The following UBXN8 variants were observed in gnomAD, a reference collection of about 807,000 sequenced individuals.
UBXN8 encodes UBX domain protein 8, also known as UBX domain-containing protein 8.
Under a neutral mutation model 32.1 loss-of-function variants are expected in UBXN8, and 27 were observed. The observed-to-expected ratio is 0.84, with a 90% CI of 0.62 to 1.16. The LOEUF (loss-of-function observed/expected upper bound fraction) is 1.16, where lower values mean the gene tolerates loss of function less well. Ranked by LOEUF, UBXN8 falls within the 50% of genes most tolerant of loss-of-function variation. UBXN8 has a pLI of 0.00. For missense variants in UBXN8, 306 were observed against 311.4 expected, an observed-to-expected ratio of 0.98 and a Z score of 0.13; for synonymous variants, 109 against 111.8, an observed-to-expected ratio of 0.98 and a Z score of 0.16.
At chr8:30,761,160 G>T (rs1366120199) in intron 6 of UBXN8, among the ~76,000 whole-genome samples, 2 of 151,752 alleles carry the variant, frequency 1.3e-5, no homozygotes, top group African/African-American at 4.8e-5. Flanking sequence ...TCAGCCTCCT[G>T]GGTAGCTGGG....
intron 4 of UBXN8, among the ~76,000 whole-genome samples, chr8:30,755,879 A>G (rs1805646536): frequency 2.0e-5 from 3 of 152,032 alleles, no homozygotes; most frequent in South Asian, 4.1e-4. Context: ...CCTCAAGTCA[A>G]GATCTCCAAG....
intron 5 of UBXN8, among the ~76,000 whole-genome samples, chr8:30,760,420 C>CATATATATATATATAT (rs1307823939): frequency 1.2e-5 from 1 of 85,606 alleles, no homozygotes; most frequent in Admixed American, 1.7e-4. Flanking sequence ...CATACACAAT[C>CATATATATATATATAT]ATATATATAT....
At chr8:30,746,519 T>TC (rs1044673403) in intron 1 of UBXN8, among the ~76,000 whole-genome samples, 1 of 139,530 alleles carries the variant, frequency 7.2e-6, no homozygotes, top group African/African-American at 2.8e-5. Context: ...AGCTAGATTT[T>TC]TTTTTTCTTT....
At chr8:30,759,461 C>T (rs1215488345) in intron 5 of UBXN8, among the ~76,000 whole-genome samples, 2 of 151,374 alleles carry the variant, frequency 1.3e-5, no homozygotes, top group Non-Finnish European at 2.9e-5. Flanking sequence ...TCTCAAACTC[C>T]TGACCTCAGG....
At chr8:30,740,947 TG>T (rs1468464179), upstream of UBXN8, among the ~76,000 whole-genome samples, 1 of 152,202 alleles carries the variant, frequency 6.6e-6, no homozygotes, top group Non-Finnish European at 1.5e-5. Context: ...GAAGTTGAGC[TG>T]ATCATTGAAT....
rs56863075 is a variant in UBXN8 at position 30,752,819 on chromosome 8, A to G, written c.212-216A>G. ...AGTAAATAAAAGGAAAGTGACCAGT[A>G]TTTAATGTATAGCCCTTTCAAATTA... On this transcript the variant is annotated intron_variant, in intron 2 of 7. Coordinates refer to ENST00000265616, the MANE Select transcript of UBXN8 (RefSeq NM_005671.4). Among the ~76,000 whole-genome samples, 1,166 of 152,352 alleles carry G rather than the reference A, an allele frequency of 7.7e-3. 14 individuals carry two copies. The highest frequency in any genetic ancestry group is 0.026 in the African/African-American group (1,088 of 41,578).
chr8:30,760,443 A>ATATATATATATATAT (rs1196366158), intron 5 of UBXN8, among the ~76,000 whole-genome samples: 2 of 91,118 alleles, frequency 2.2e-5, no homozygotes, highest in South Asian at 4.1e-4. Flanking sequence ...ATATATATAT[A>ATATATATATATATAT]TTTTTTTTTT....
At position 30,754,728 on chromosome 8, in the gene UBXN8, G is replaced by T. The variant is rs1805603669; in HGVS notation, c.346G>T (p.Glu116Ter). 1 of 1,564,858 alleles carries T rather than the reference G, an allele frequency of 6.4e-7. No individual in the cohort carries two copies. The highest frequency in any genetic ancestry group is 8.6e-7 in the Non-Finnish European group (1 of 1,165,218). Residue 116 changes from glutamate (E) to a stop codon, truncating the protein, a stop_gained, in exon 4 of 8, where the codon GAG becomes TAG. Coordinates refer to ENST00000265616, the MANE Select transcript of UBXN8 (RefSeq NM_005671.4). LOFTEE classifies it high-confidence loss of function. ...HQEMKLRKLE[E>*]RFYQMTGEAW... ...GGAAATGAAATTGAGAAAACTGGAG[G>T]AGCGCTTTTATCAAATGACGGGTGA...
At chr8:30,749,998 TAGC>T (rs1319557057) in intron 1 of UBXN8, among the ~76,000 whole-genome samples, 3 of 152,256 alleles carry the variant, frequency 2.0e-5, no homozygotes, top group Non-Finnish European at 4.4e-5. Flanking sequence ...TAATATAGTG[TAGC>T]TGATCGCTCT....
intron 5 of UBXN8, among the ~76,000 whole-genome samples, chr8:30,759,389 C>A (rs1805763779): frequency 6.6e-6 from 1 of 151,620 alleles, no homozygotes; most frequent in African/African-American, 2.4e-5. Flanking sequence ...TGTGCGCCAC[C>A]ACGCCTAGCT....
At position 30,744,245 on chromosome 8, in the gene UBXN8, G is replaced by A; in HGVS notation, c.56G>A (p.Cys19Tyr). 6.2e-7 allele frequency: 1 copy of A among 1,613,930 alleles called. No homozygotes were observed. Residue 19 changes from cysteine (C) to tyrosine (Y), a missense_variant, in exon 1 of 8, where the codon TGT becomes TAT. Transcript: ENST00000265616. ...IFFLSAVPLV[C>Y]LELRRGIPDI... is the part of the protein sequence containing the mutation. ...TTCCTCTCTGCTGTCCCCCTTGTGT[G>A]TCTGGAGCTCCGGCGTGGGATCCCG...
chr8:30,753,196 G>A (rs1805561127), intron 3 of UBXN8, 91 bp downstream of exon 3: 1 of 1,340,474 alleles, frequency 7.5e-7, no homozygotes, highest in Non-Finnish European at 9.6e-7. Flanking sequence ...CTGTCTTGGT[G>A]CTAAGATTTT....
intron 7 of UBXN8, among the ~76,000 whole-genome samples, chr8:30,765,365 C>T (rs1257224907): frequency 1.6e-4 from 25 of 151,990 alleles, no homozygotes; most frequent in Admixed American, 1.6e-3. Flanking sequence ...CCTCAACCTC[C>T]CCGGACTCAG....
intron 1 of UBXN8, among the ~76,000 whole-genome samples, chr8:30,736,773 CTTGT>C (rs1010054283): frequency 6.6e-6 from 1 of 152,124 alleles, no homozygotes; most frequent in Non-Finnish European, 1.5e-5. Context: ...GCACCCAGCC[CTTGT>C]TTATTTTTGA....
At chr8:30,758,823 C>G (rs1210689032) in intron 5 of UBXN8, among the ~76,000 whole-genome samples, 1 of 147,306 alleles carries the variant, frequency 6.8e-6, no homozygotes, top group Non-Finnish European at 1.5e-5. Context: ...AAAATATACT[C>G]TATGGTATTA....
rs1240430113 is a variant in UBXN8, at chr8:30,765,836, C to T, written c.646-391C>T. On this transcript the variant is annotated intron_variant, in intron 7 of 7. Transcript: ENST00000265616. ...CAGCCTGGCCAACATGGTGGAACCC[C>T]GTCTCTACTAAAAATACAAAAATTA... 3.3e-5 allele frequency among the ~76,000 whole-genome samples: 5 copies of T among 151,836 alleles called. No homozygotes were observed. In the East Asian group the frequency reaches 5.8e-4, roughly 18 times the overall value.
At chr8:30,730,139 A>G (rs1301147861), upstream of UBXN8, among the ~76,000 whole-genome samples, 3 of 152,214 alleles carry the variant, frequency 2.0e-5, no homozygotes, top group African/African-American at 2.4e-5. Flanking sequence ...CACCCAGAGT[A>G]GACAAGAGAG....
At chr8:30,747,325 T>TC (rs1214955546) in intron 1 of UBXN8, among the ~76,000 whole-genome samples, 1 of 125,508 alleles carries the variant, frequency 8.0e-6, no homozygotes, top group Non-Finnish European at 1.7e-5. Flanking sequence ...TTTTTTTTTT[T>TC]TTTGAGACAG....
chr8:30,736,230 A>G (rs1805067480), intron 1 of UBXN8, among the ~76,000 whole-genome samples: 1 of 152,244 alleles, frequency 6.6e-6, no homozygotes, highest in Admixed American at 6.5e-5. Context: ...AGTAAAGGGA[A>G]AGAAATTTTC....
Sources: gnomAD v4.1 joint callset for allele counts (sites outside exome capture counted in the v4.1 genomes callset) on GRCh38, gnomAD v4.1.1 for gene constraint, MANE v1.5 for transcripts, NCBI Gene and HGNC (gene_info 2026-07-23, HGNC 2026-07-21) for gene names.